PWWP3A: variants seen among roughly 807,000 people sequenced by gnomAD.
PWWP3A encodes PWWP domain-containing DNA repair factor 3A.
In PWWP3A, 53 loss-of-function variants were observed where a neutral mutation model predicts 79.0. The ratio of observed to expected loss-of-function variants is 0.67; its 90% CI spans 0.54 to 0.84. The LOEUF (loss-of-function observed/expected upper bound fraction) is 0.84. Among genes scored for constraint, PWWP3A ranks in the 40% least tolerant of loss-of-function variants. PWWP3A has a pLI of 0.00. For synonymous variants in PWWP3A, 443 were observed against 394.4 expected (o/e 1.12, Z -1.46); for missense variants, 973 against 948.0 (o/e 1.03, Z -0.35).
rs534787386 is a variant in PWWP3A, at chr19:1,377,881, T to C, written c.*1305T>C. On this transcript the variant is annotated 3_prime_UTR_variant, in exon 14 of 14. Transcript: ENST00000591337. ...CACCGGAGAGGAGATCGGAACACGA[T>C]TGTCTCAGATGCAGGGCGCTGTGCG... The C allele has an allele frequency of 6.6e-6, 1 of 152,318 alleles. No individual in the cohort carries two copies. The highest frequency in any genetic ancestry group is 1.9e-4 in the East Asian group (1 of 5,182). The allele number at this position is 152,318 out of a possible 1,614,324, so 9.4% of individuals were successfully genotyped here.
chr19:1,364,396 G>T, intron 6 of PWWP3A, 113 bp from the exon 7 acceptor site: 2 of 776,192 alleles, frequency 2.6e-6, no homozygotes, highest in Non-Finnish European at 2.1e-6. Flanking sequence ...ACAAAGTCAG[G>T]TTTTAACAAT....
intron 6 of PWWP3A, 30 bp downstream of exon 6, chr19:1,362,381 C>A (rs763218627): frequency 1.3e-6 from 2 of 1,577,502 alleles, no homozygotes; most frequent in South Asian, 1.1e-5. Flanking sequence ...CGCCGGCAGT[C>A]CTAACGGTGC....
intron 13 of PWWP3A, among the ~76,000 whole-genome samples, chr19:1,375,739 T>A (rs143019409): frequency 7.0e-6 from 1 of 142,102 alleles, no homozygotes; most frequent in African/African-American, 2.6e-5. Context: ...CTTTATATTA[T>A]ATATAAAATA....
At position 1,369,463 on chromosome 19, in the gene PWWP3A, C is replaced by T. The variant is rs1286488104; in HGVS notation, c.1498+123C>T. On this transcript the variant is annotated intron_variant, in intron 10 of 13. Transcript: ENST00000591337. The surrounding 1 kb of genome is among the most constrained non-coding windows in gnomAD (Gnocchi z 4.0). ...CATATTTCCGTGGGCCTGGGGCATT[C>T]CCTGTGGGTGGGCTGGGGTTCTGGC... The T allele has an allele frequency of 1.8e-5, 27 of 1,481,080 alleles. No individual in the cohort carries two copies. Among genetic ancestry groups the T allele is most frequent in the Non-Finnish European group, 2.4e-5 (25 of 1,062,504 alleles). The allele number at this position is 1,481,080 out of a possible 1,614,324, so 91.7% of individuals were successfully genotyped here.
At position 1,369,638 on chromosome 19, in the gene PWWP3A, C is replaced by G; in HGVS notation, c.1541C>G (p.Ala514Gly). The part of the protein sequence containing the change: ...FAGSFLEYYA[A>G]DISYPVRKSI... The stretch of plus-strand genomic sequence containing the variant: ...GGCTCTTTCCTGGAATATTACGCGG[C>G]TGATATAAGTAAGTCTACAGGCACA... Residue 514 changes from alanine to glycine, a missense_variant, in exon 11 of 14, where the codon GCT (alanine) becomes GGT (glycine). Transcript: ENST00000591337. The surrounding 1 kb of genome is among the most constrained non-coding windows in gnomAD (Gnocchi z 4.0). 6.2e-7 allele frequency: 1 copy of G among 1,614,164 alleles called. No homozygotes were observed. The highest frequency in any genetic ancestry group is 8.5e-7 in the Non-Finnish European group (1 of 1,180,018).
At position 1,364,734 on chromosome 19, in the gene PWWP3A, TC is replaced by T. The variant is rs2082092581; in HGVS notation, c.1284+156del. 2.0e-5 allele frequency among the ~76,000 whole-genome samples: 3 copies of T among 152,332 alleles called. No individual in the cohort carries two copies. In the East Asian group the frequency reaches 5.8e-4, roughly 29 times the overall value. On this transcript the variant is annotated intron_variant, in intron 7 of 13. Transcript: ENST00000591337. ...AGTTGGTGGGTTTTTAGAAAAGACTTCAGGAGATGCCTGTACCTAAATTAAG... is the reference window on the plus strand; with the variant it reads ...AGTTGGTGGGTTTTTAGAAAAGACTTAGGAGATGCCTGTACCTAAATTAAG...
Position 1,360,652 on chromosome 19 carries a change from G to A in PWWP3A, c.731G>A (p.Gly244Glu), listed in dbSNP as rs2081991090. Residue 244 changes from glycine (G) to glutamate (E), a missense_variant, in exon 5 of 14, where the codon GGG (glycine) becomes GAG (glutamate). By Grantham distance (98) the Gly-to-Glu change is moderately conservative (BLOSUM62 -2). Coordinates refer to ENST00000591337, the MANE Select transcript of PWWP3A (RefSeq NM_001369789.1). This position sits in a 1 kb window ranked among gnomAD's most constrained non-coding sequence, Gnocchi z 4.4. Reference protein sequence around the residue: ...LSEDDTERDMGSKGGSWAAPS... With the variant: ...LSEDDTERDMESKGGSWAAPS... ...GAGGACGACACGGAGAGAGACATGG[G>A]GAGCAAAGGAGGCAGCTGGGCAGCC... 6.2e-7 allele frequency: 1 copy of A among 1,613,102 alleles called. No homozygotes were observed. The highest frequency in any genetic ancestry group is 2.2e-5 in the East Asian group (1 of 44,878).
At chr19:1,365,849 C>G (rs890899923) in intron 7 of PWWP3A, among the ~76,000 whole-genome samples, 1 of 152,368 alleles carries the variant, frequency 6.6e-6, no homozygotes, top group South Asian at 2.1e-4. Flanking sequence ...TGCCTTCTCA[C>G]GGTGGCCCCG....
At chr19:1,371,806 T>C (rs1430944662) in intron 12 of PWWP3A, among the ~76,000 whole-genome samples, 2 of 121,114 alleles carry the variant, frequency 1.7e-5, no homozygotes, top group Non-Finnish European at 3.4e-5. Context: ...ACCCTCAAGC[T>C]TTTTTTTTTT....
chr19:1,376,567 C>T lies in PWWP3A; in HGVS notation c.2124C>T (p.Arg708=). The T allele has an allele frequency of 6.2e-7, 1 of 1,613,586 alleles. No individual in the cohort carries two copies. Among genetic ancestry groups the T allele is most frequent in the Non-Finnish European group, 8.5e-7 (1 of 1,179,902 alleles). The change falls in exon 14 of 14, where the codon CGC becomes CGT. Residue 708 remains arginine, a synonymous_variant. Coordinates refer to ENST00000591337, the MANE Select transcript of PWWP3A (RefSeq NM_001369789.1). ...DNQLLEERNR[R]RR is the part of the protein sequence containing the mutation. The stretch of plus-strand genomic sequence containing the variant: ...AGCTCCTTGAAGAGCGGAACCGGCG[C>T]CGTCGGTGAGGGAGCAGCCGGCTGT...
rs2082233874 is a variant in PWWP3A, at chr19:1,370,666, A to T, written c.1574A>T (p.Gln525Leu). 6.9e-7 allele frequency: 1 copy of T among 1,451,420 alleles called. No homozygotes were observed. Among genetic ancestry groups the T allele is most frequent in the African/African-American group, 1.4e-5 (1 of 69,806 alleles). 89.9% of individuals were successfully genotyped at this position (1,451,420 alleles called of 1,614,324 possible). A position where few individuals can be genotyped will look rare whatever the true frequency, so the allele number is the denominator to read the frequency against. The change falls in exon 12 of 14, where the codon CAG (glutamine) becomes CTG (leucine). Residue 525 changes from glutamine to leucine, a missense_variant. Transcript: ENST00000591337. ...GGCTATCCTGTCCGAAAATCCATCC[A>T]GCAGGACGTCTTGGGGACCAAGCTT... is the stretch of plus-strand genomic sequence containing the variant. ...DISYPVRKSIQQDVLGTKLPQ... is the reference protein window; with the variant it reads ...DISYPVRKSILQDVLGTKLPQ...
chr19:1,375,350 A>T (rs2082342490), intron 13 of PWWP3A, among the ~76,000 whole-genome samples: 1 of 147,190 alleles, frequency 6.8e-6, no homozygotes, highest in Non-Finnish European at 1.5e-5. Context: ...TCCGAACTTC[A>T]TCTTTCCAAA....
chr19:1,374,410 C>A (rs1318944058), intron 13 of PWWP3A: 1 of 152,216 alleles, frequency 6.6e-6, no homozygotes, highest in Non-Finnish European at 1.5e-5. Context: ...CTCAGTGGAG[C>A]CTTGGGTCAC....
At chr19:1,357,505 C>T (rs2081903837) in intron 3 of PWWP3A, 1 of 150,722 alleles carries the variant, frequency 6.6e-6, no homozygotes, top group African/African-American at 2.5e-5. Context: ...ACGTCTGTGA[C>T]AGGCCCATCA....
chr19:1,373,177 G>A lies in PWWP3A; in HGVS notation c.2075+17G>A, dbSNP rs753460858. ...GAGCTACCGGTAGGCCGCTCCCGGCGCTATCTCCAGCCACTTGCGTCTCTG... is the reference window on the plus strand; with the variant it reads ...GAGCTACCGGTAGGCCGCTCCCGGCACTATCTCCAGCCACTTGCGTCTCTG... On this transcript the variant is annotated intron_variant, in intron 13 of 13. Coordinates refer to ENST00000591337, the MANE Select transcript of PWWP3A (RefSeq NM_001369789.1). 2.7e-5 allele frequency: 44 copies of A among 1,607,288 alleles called. No homozygotes were observed. In the East Asian group the frequency reaches 3.8e-4, roughly 14 times the overall value.
At chr19:1,355,968 T>G (rs947807501) in intron 1 of PWWP3A, among the ~76,000 whole-genome samples, 1 of 152,040 alleles carries the variant, frequency 6.6e-6, no homozygotes, top group Non-Finnish European at 1.5e-5. Flanking sequence ...CTCCCCAAAT[T>G]GGGGAGGGTT....
intron 13 of PWWP3A, among the ~76,000 whole-genome samples, chr19:1,375,532 T>TTATATATAAA (rs1568965261): frequency 1.8e-5 from 2 of 112,072 alleles, no homozygotes; most frequent in Non-Finnish European, 3.5e-5. Flanking sequence ...ATATAATTTA[T>TTATATATAAA]ATATTTTATA....
At chr19:1,376,297 TTTTTTTTTTG>T (rs1568968666) in intron 13 of PWWP3A, among the ~76,000 whole-genome samples, 23 of 89,284 alleles carry the variant, frequency 2.6e-4, no homozygotes, top group African/African-American at 3.7e-4. Context: ...GGCTGTTTGT[TTTTTTTTTTG>T]TTTGTTTTTT....
chr19:1,372,145 C>T (rs1216444405), intron 12 of PWWP3A: 1 of 152,216 alleles, frequency 6.6e-6, no homozygotes, highest in East Asian at 1.9e-4. Flanking sequence ...GTGTGTGTCT[C>T]TAAAAGGAGG....
Sources: gnomAD v4.1 joint callset for allele counts (sites outside exome capture counted in the v4.1 genomes callset) on GRCh38, gnomAD v4.1.1 for gene constraint, Gnocchi (gnomAD v3.1) non-coding constraint, MANE v1.5 for transcripts, NCBI Gene and HGNC (gene_info 2026-07-23, HGNC 2026-07-21) for gene names.